Variants in PPIL6 observed in about 807,000 individuals in gnomAD.
PPIL6 encodes the protein peptidylprolyl isomerase like 6.
A neutral mutation model predicts 36.8 loss-of-function variants in PPIL6; 39 were observed. The observed-to-expected ratio is 1.06, with a 90% confidence interval of 0.82 to 1.38. The LOEUF is 1.38. Among genes scored for constraint, PPIL6 ranks in the 40% most tolerant of loss-of-function variants. PPIL6 has a pLI of 0.00. For synonymous variants in PPIL6, 123 were observed against 134.1 expected (o/e 0.92, Z 0.57); for missense variants, 368 against 379.1 (o/e 0.97, Z 0.24).
chr6:109,415,866 C>A (rs1773229398), intron 6 of PPIL6, among the ~76,000 whole-genome samples: 1 of 152,158 alleles, frequency 6.6e-6, no homozygotes, highest in South Asian at 2.1e-4. Context: ...CACTTTGATG[C>A]CTTTGGTGTT....
intron 2 of PPIL6, 92 bp from the exon 3 acceptor site, chr6:109,431,437 G>T: frequency 1.2e-6 from 1 of 849,584 alleles, no homozygotes; most frequent in Non-Finnish European, 1.7e-6. Context: ...ATCAACTCTA[G>T]GTCTGAATTT....
intron 2 of PPIL6, among the ~76,000 whole-genome samples, chr6:109,434,435 G>A (rs1382717172): frequency 6.6e-6 from 1 of 152,150 alleles, no homozygotes; most frequent in Non-Finnish European, 1.5e-5. Flanking sequence ...TTGTGTGTGT[G>A]TGTGGGTGTG....
At chr6:109,422,794 T>G (rs1427429991) in intron 5 of PPIL6, among the ~76,000 whole-genome samples, 1 of 152,232 alleles carries the variant, frequency 6.6e-6, no homozygotes, top group East Asian at 1.9e-4. Flanking sequence ...CCTATAAATG[T>G]AAGTCAAATG....
chr6:109,403,129 T>G, intron 6 of PPIL6: 1 of 1,437,102 alleles, frequency 7.0e-7, no homozygotes, highest in Non-Finnish European at 9.2e-7. Context: ...AGAGCTATAA[T>G]TTAAATTTAA....
In PPIL6 at chr6:109,406,248, C is replaced by T. The variant is rs547649951; in HGVS notation, c.689-6078G>A. On this transcript the variant is annotated intron_variant, in intron 6 of 7. Transcript: ENST00000521072. Reference sequence around the variant, plus strand: ...TTTTTTTTTTTAAGAGATGGGATCTCGTTATGTTACCCTGGCTGGTTTTGA... The same window carrying T: ...TTTTTTTTTTTAAGAGATGGGATCTTGTTATGTTACCCTGGCTGGTTTTGA... 6.6e-5 allele frequency among the ~76,000 whole-genome samples: 10 copies of T among 150,636 alleles called. No individual in the cohort carries two copies. In the South Asian group the frequency reaches 8.4e-4, roughly 13 times the overall value.
intron 7 of PPIL6, among the ~76,000 whole-genome samples, chr6:109,395,237 T>C (rs772630994): frequency 2.0e-5 from 3 of 151,912 alleles, no homozygotes; most frequent in African/African-American, 7.3e-5. Flanking sequence ...GGAAAACCCA[T>C]CTCTACTAAA....
chr6:109,422,260 A>G (rs1403203662), intron 5 of PPIL6, among the ~76,000 whole-genome samples: 1 of 152,052 alleles, frequency 6.6e-6, no homozygotes, highest in African/African-American at 2.4e-5. Flanking sequence ...GGAGGAGTTC[A>G]AGGCTGCAGT....
chr6:109,410,691 G>A (rs1302380008), intron 6 of PPIL6, among the ~76,000 whole-genome samples: 1 of 152,130 alleles, frequency 6.6e-6, no homozygotes, highest in Non-Finnish European at 1.5e-5. Context: ...CATGACACAA[G>A]AGTGGAAGCC....
intron 3 of PPIL6, 89 bp from the exon 4 acceptor site, chr6:109,427,245 T>C: frequency 1.3e-6 from 1 of 796,402 alleles, no homozygotes; most frequent in Non-Finnish European, 2.1e-6. Flanking sequence ...AGATACAATA[T>C]TTTTAGTGAA....
At chr6:109,432,347 T>C (rs1412107159) in intron 2 of PPIL6, among the ~76,000 whole-genome samples, 1 of 152,144 alleles carries the variant, frequency 6.6e-6, no homozygotes, top group African/African-American at 2.4e-5. Context: ...CAAAATGCAG[T>C]GTGTTAGTGT....
intron 6 of PPIL6, among the ~76,000 whole-genome samples, chr6:109,414,875 C>T (rs546184278): frequency 4.9e-4 from 74 of 152,272 alleles, no homozygotes; most frequent in African/African-American, 1.8e-3. Context: ...TTATCAATAA[C>T]ATAAATAGTC....
chr6:109,430,992 A>G lies in PPIL6; in HGVS notation c.420+165T>C, dbSNP rs1774112659. On this transcript the variant is annotated intron_variant, in intron 3 of 7. Coordinates refer to ENST00000521072, the MANE Select transcript of PPIL6 (RefSeq NM_173672.5). The stretch of plus-strand genomic sequence containing the variant: ...GGGCTGTGAGACACACTTGCTTTAC[A>G]TACCACCATATTACAATCTTTTGCA... Among the ~76,000 whole-genome samples the G allele has an allele frequency of 2.0e-5, 3 of 152,230 alleles. No homozygotes were observed. In the South Asian group the frequency reaches 6.2e-4, roughly 32 times the overall value.
chr6:109,434,421 GTGTT>G (rs1380018122), intron 2 of PPIL6, among the ~76,000 whole-genome samples: 1 of 152,126 alleles, frequency 6.6e-6, no homozygotes, highest in Non-Finnish European at 1.5e-5. Context: ...ATATATATGT[GTGTT>G]TGTGTGTGTG....
At chr6:109,399,262 C>T (rs548659040) in intron 7 of PPIL6, among the ~76,000 whole-genome samples, 3 of 152,046 alleles carry the variant, frequency 2.0e-5, no homozygotes. Context: ...TGCATGCCAC[C>T]ACGCCTGGCT....
chr6:109,395,402 G>C (rs1772253831), intron 7 of PPIL6, among the ~76,000 whole-genome samples: 1 of 149,380 alleles, frequency 6.7e-6, no homozygotes, highest in African/African-American at 2.5e-5. Flanking sequence ...GTGAGACCCT[G>C]TCTCAAAAAA....
chr6:109,419,337 T>G (rs1022182872), intron 5 of PPIL6, 94 bp from the exon 6 acceptor site: 1 of 808,730 alleles, frequency 1.2e-6, no homozygotes, highest in Non-Finnish European at 2.1e-6. Flanking sequence ...TCAATGATGA[T>G]TTCAAGGCTG....
At chr6:109,395,003 C>G (rs6904271) in intron 7 of PPIL6, among the ~76,000 whole-genome samples, 21,716 of 152,154 alleles carry the variant, frequency 0.14, 4,160 homozygotes, top group African/African-American at 0.44. Context: ...CTTATATTCT[C>G]TATCTTGGTG....
intron 5 of PPIL6, among the ~76,000 whole-genome samples, chr6:109,422,819 TATTA>T (rs1773617376): frequency 6.6e-6 from 1 of 152,246 alleles, no homozygotes; most frequent in Non-Finnish European, 1.5e-5. Flanking sequence ...GCCTGAAGCA[TATTA>T]ATTATTTGGT....
intron 1 of PPIL6, chr6:109,440,073 G>C: frequency 3.2e-6 from 1 of 316,500 alleles, no homozygotes; most frequent in Non-Finnish European, 6.2e-6. Flanking sequence ...AAATTAGCTA[G>C]TTATATAGTA....
Sources: gnomAD v4.1 joint callset for allele counts (sites outside exome capture counted in the v4.1 genomes callset) on GRCh38, gnomAD v4.1.1 for gene constraint, MANE v1.5 for transcripts, NCBI Gene and HGNC (gene_info 2026-07-23, HGNC 2026-07-21) for gene names.